LRMDA: variants seen among roughly 807,000 people sequenced by gnomAD.
LRMDA encodes leucine-rich melanocyte differentiation-associated protein.
LRMDA carries 18 observed loss-of-function variants against 29.8 expected under a neutral mutation model. The ratio of observed to expected loss-of-function variants is 0.60; its 90% CI spans 0.42 to 0.90. The LOEUF (loss-of-function observed/expected upper bound fraction) is 0.90. Among genes scored for constraint, LRMDA ranks in the 40% least tolerant of loss-of-function variants. LRMDA has a pLI of 0.00. For missense variants in LRMDA, 273 were observed against 273.9 expected (o/e 1.00, Z 0.02); for synonymous variants, 125 against 109.4 (o/e 1.14, Z -0.89).
At chr10:75,483,259 A>G (rs1245364294) in intron 2 of LRMDA, among the ~76,000 whole-genome samples, 4 of 152,172 alleles carry the variant, frequency 2.6e-5, no homozygotes, top group Non-Finnish European at 4.4e-5. Flanking sequence ...TCATTTCTTT[A>G]TATAGATTGC....
At chr10:75,710,259 G>T (rs1842420337) in intron 2 of LRMDA, among the ~76,000 whole-genome samples, 2 of 152,170 alleles carry the variant, frequency 1.3e-5, no homozygotes, top group African/African-American at 4.8e-5. Context: ...TCTCCCAGCA[G>T]GCCCCAAAGT....
At chr10:76,333,234 T>G (rs1840925481) in intron 6 of LRMDA, among the ~76,000 whole-genome samples, 1 of 152,222 alleles carries the variant, frequency 6.6e-6, no homozygotes, top group African/African-American at 2.4e-5. Context: ...GTCCACATTA[T>G]GGCAGGCCTT....
intron 6 of LRMDA, among the ~76,000 whole-genome samples, chr10:76,382,255 A>C (rs546381896): frequency 1.7e-4 from 26 of 152,342 alleles, no homozygotes; most frequent in African/African-American, 6.3e-4. Context: ...ACATACTTTT[A>C]GAATTTGATA....
chr10:76,353,330 T>TTA (rs1554815245), intron 6 of LRMDA, among the ~76,000 whole-genome samples: 39 of 146,274 alleles, frequency 2.7e-4, no homozygotes, highest in African/African-American at 9.9e-4. Flanking sequence ...AGCTGTGGAG[T>TTA]TGTGTGTGTG....
Position 76,222,834 on chromosome 10 carries a change from C to T in LRMDA, c.517-101567C>T, listed in dbSNP as rs1222573317. Among the ~76,000 whole-genome samples, 12 of 152,142 alleles carry T rather than the reference C, an allele frequency of 7.9e-5. No homozygotes were observed. The East Asian group carries it at 1.9e-3, about 24-fold the overall frequency. ...ATGCACATGTATGTTTATTGCGGCACTATTCACAATAGCAAAGACTTGGAA... is the reference window on the plus strand; with the variant it reads ...ATGCACATGTATGTTTATTGCGGCATTATTCACAATAGCAAAGACTTGGAA... On this transcript the variant is annotated intron_variant, in intron 5 of 6. Transcript: ENST00000611255.
chr10:76,050,650 G>A (rs1848515381), intron 4 of LRMDA, among the ~76,000 whole-genome samples: 1 of 152,244 alleles, frequency 6.6e-6, no homozygotes, highest in South Asian at 2.1e-4. Context: ...GGCAGGAAGA[G>A]AACAGCAGTG....
At chr10:76,217,259 G>A (rs1851745053) in intron 5 of LRMDA, among the ~76,000 whole-genome samples, 1 of 152,124 alleles carries the variant, frequency 6.6e-6, no homozygotes, top group Non-Finnish European at 1.5e-5. Flanking sequence ...ATAGTGACAT[G>A]ATTGAAGAGA....
intron 6 of LRMDA, among the ~76,000 whole-genome samples, chr10:76,420,355 C>T (rs922401516): frequency 2.6e-5 from 4 of 151,720 alleles, no homozygotes; most frequent in Admixed American, 6.6e-5. Context: ...ATCCTTTTAT[C>T]TATTTTTCAG....
chr10:75,754,702 T>C (rs190508413), intron 2 of LRMDA, among the ~76,000 whole-genome samples: 1 of 152,284 alleles, frequency 6.6e-6, no homozygotes, highest in African/African-American at 2.4e-5. Context: ...TTTTAATAGC[T>C]GTTCTTTCTT....
intron 6 of LRMDA, among the ~76,000 whole-genome samples, chr10:76,509,825 T>G (rs1842992219): frequency 6.6e-6 from 1 of 152,068 alleles, no homozygotes; most frequent in Non-Finnish European, 1.5e-5. Context: ...TAAGCCACAA[T>G]GAGTGAAAAT....
intron 2 of LRMDA, among the ~76,000 whole-genome samples, chr10:75,528,890 C>T (rs563810646): frequency 9.2e-5 from 14 of 151,776 alleles, no homozygotes; most frequent in African/African-American, 1.5e-4. Context: ...CCATATCATA[C>T]GAGCAATATG....
At chr10:76,030,103 G>T (rs1316047041) in intron 2 of LRMDA, among the ~76,000 whole-genome samples, 1 of 152,096 alleles carries the variant, frequency 6.6e-6, no homozygotes, top group East Asian at 1.9e-4. Flanking sequence ...TGTCGCCCAG[G>T]CTAGATGCAG....
At chr10:75,638,454 G>A (rs1354809986) in intron 2 of LRMDA, among the ~76,000 whole-genome samples, 1 of 152,194 alleles carries the variant, frequency 6.6e-6, no homozygotes, top group East Asian at 1.9e-4. Context: ...TGGGGAAGAG[G>A]ATGTGACACT....
chr10:75,502,651 A>G (rs1242810805), intron 2 of LRMDA, among the ~76,000 whole-genome samples: 2 of 152,168 alleles, frequency 1.3e-5, no homozygotes, highest in Non-Finnish European at 2.9e-5. Flanking sequence ...AGGTGCAAGT[A>G]TGGGCTTAAG....
intron 2 of LRMDA, among the ~76,000 whole-genome samples, chr10:76,003,169 G>T (rs892840523): frequency 6.6e-6 from 1 of 152,240 alleles, no homozygotes; most frequent in Admixed American, 6.5e-5. Flanking sequence ...CGCCACCCCT[G>T]GCTGCGAGAA....
chr10:76,055,074 AAAAAAAAAAAAAAAAAAAAAG>A (rs1422363326), intron 4 of LRMDA, among the ~76,000 whole-genome samples: 23 of 139,566 alleles, frequency 1.6e-4, no homozygotes, highest in Admixed American at 1.6e-3. Flanking sequence ...AAAAAAAAAA[AAAAAAAAAAAAAAAAAAAAAG>A]AAAAAGAAAA....
At chr10:75,935,124 C>T (rs1235615204) in intron 2 of LRMDA, among the ~76,000 whole-genome samples, 1 of 152,190 alleles carries the variant, frequency 6.6e-6, no homozygotes, top group African/African-American at 2.4e-5. Flanking sequence ...TTCCCGTCTC[C>T]ATCCTTCCCT....
At chr10:76,550,511 G>A (rs1370969152) in intron 6 of LRMDA, among the ~76,000 whole-genome samples, 2 of 132,140 alleles carry the variant, frequency 1.5e-5, no homozygotes, top group Non-Finnish European at 3.1e-5. Context: ...TGGTGCAAGA[G>A]CCCTAACAGA....
At position 76,550,780 on chromosome 10, in the gene LRMDA, C is replaced by A. The variant is rs1324345621; in HGVS notation, c.602-6429C>A. Among the ~76,000 whole-genome samples, 3 of 152,100 alleles carry A rather than the reference C, an allele frequency of 2.0e-5. No homozygotes were observed. In the East Asian group the frequency reaches 5.8e-4, roughly 29 times the overall value. ...GGTGGAGAAGAAGGTCTTTGTCCTCCTTCCTCAAAAACTGCTTCCACACAA... is the reference window on the plus strand; with the variant it reads ...GGTGGAGAAGAAGGTCTTTGTCCTCATTCCTCAAAAACTGCTTCCACACAA... On this transcript the variant is annotated intron_variant, in intron 6 of 6. Transcript: ENST00000611255.
Sources: gnomAD v4.1 joint callset for allele counts (sites outside exome capture counted in the v4.1 genomes callset) on GRCh38, gnomAD v4.1.1 for gene constraint, MANE v1.5 for transcripts, NCBI Gene and HGNC (gene_info 2026-07-23, HGNC 2026-07-21) for gene names.